Variants in TTC12 observed in about 807,000 individuals in gnomAD.
TTC12 encodes the protein tetratricopeptide repeat domain 12.
TTC12 carries 70 observed loss-of-function variants against 90.1 expected under a neutral mutation model. That is an observed-to-expected ratio of 0.78 (90% CI 0.64 to 0.95). The LOEUF (loss-of-function observed/expected upper bound fraction) is 0.95. TTC12 is among the 40% of genes least tolerant of loss of function. The pLI is 0.00. For synonymous variants in TTC12, 296 were observed against 311.5 expected, an observed-to-expected ratio of 0.95 and a Z score of 0.53; for missense variants, 819 against 846.1, an observed-to-expected ratio of 0.97 and a Z score of 0.40.
intron 16 of TTC12, among the ~76,000 whole-genome samples, chr11:113,354,316 C>A (rs1040233667): frequency 6.6e-6 from 1 of 152,246 alleles, no homozygotes; most frequent in East Asian, 1.9e-4. Flanking sequence ...GATTTTGTAT[C>A]CTGAGACATT....
chr11:113,334,945 C>T, intron 7 of TTC12, 21 bp from the exon 8 acceptor site: 1 of 1,600,678 alleles, frequency 6.2e-7, no homozygotes, highest in Non-Finnish European at 8.6e-7. Context: ...AACTTCTGAT[C>T]AGTCATTCTC....
intron 2 of TTC12, 35 bp downstream of exon 2, chr11:113,316,350 T>TTAC: frequency 8.7e-7 from 1 of 1,142,978 alleles, no homozygotes; most frequent in Non-Finnish European, 1.2e-6. Context: ...AATTTCTGCT[T>TTAC]TAGAGAAGTG....
intron 17 of TTC12, 43 bp from the exon 18 acceptor site, chr11:113,359,897 C>T: frequency 6.7e-7 from 1 of 1,502,438 alleles, no homozygotes; most frequent in South Asian, 1.2e-5. Context: ...TTCAGATTGT[C>T]AGAAAATTAA....
intron 4 of TTC12, 67 bp downstream of exon 4, chr11:113,324,082 T>A: frequency 7.8e-7 from 1 of 1,282,548 alleles, no homozygotes; most frequent in South Asian, 1.3e-5. Context: ...TGATTGTAGC[T>A]CCCAGACCCT....
chr11:113,363,914 A>G lies in TTC12; in HGVS notation c.1803A>G (p.Ile601Met). 2 of 1,611,530 alleles carry G rather than the reference A, an allele frequency of 1.2e-6. No individual in the cohort carries two copies. The highest frequency in any genetic ancestry group is 1.7e-6 in the Non-Finnish European group (2 of 1,177,586). Reference sequence around the variant, plus strand: ...ATCATGAAGCTCGGGAAGAAGTAATAAGACTGGATAAAAGTAAGTGATGAT... The same window carrying G: ...ATCATGAAGCTCGGGAAGAAGTAATGAGACTGGATAAAAGTAAGTGATGAT... ...NSYHEAREEV[I>M]RLDKKLSVMM... Residue 601 changes from isoleucine to methionine, a missense_variant, in exon 20 of 22, where the codon ATA becomes ATG. Transcript: ENST00000529221.
rs868950245 is a variant in TTC12, at chr11:113,315,547, C to T, written c.-15-696C>T. Among the ~76,000 whole-genome samples, 16 of 152,284 alleles carry T rather than the reference C, an allele frequency of 1.1e-4. No individual in the cohort carries two copies. The Middle Eastern group carries it at 0.014, about 129-fold the overall frequency. ...TTTACTGACTTGAAATCTCGGGCTA[C>T]GGCTGAGGAAGCTGTATATTTAACA... On this transcript the variant is annotated intron_variant, in intron 1 of 21. Coordinates refer to ENST00000529221, the MANE Select transcript of TTC12 (RefSeq NM_017868.4).
chr11:113,348,183 C>G (rs1189663562), intron 13 of TTC12, among the ~76,000 whole-genome samples: 1 of 152,182 alleles, frequency 6.6e-6, no homozygotes, highest in African/African-American at 2.4e-5. Flanking sequence ...GTATCATCGA[C>G]TTAATAAATC....
chr11:113,344,259 CTG>C lies in TTC12; in HGVS notation c.986-9_986-8del, dbSNP rs781833594. 21 of 1,605,818 alleles carry C rather than the reference CTG, an allele frequency of 1.3e-5. No homozygotes were observed. In the African/African-American group the frequency reaches 2.4e-4, roughly 18 times the overall value. The stretch of plus-strand genomic sequence containing the variant: ...ATGGCATGCACAAGACACACAACCT[CTG>C]TGTTTTGCAGAGGAAAACCAGCGTG... On this transcript the variant is annotated splice_polypyrimidine_tract_variant and intron_variant, in intron 12 of 21. Coordinates refer to ENST00000529221, the MANE Select transcript of TTC12 (RefSeq NM_017868.4).
intron 16 of TTC12, among the ~76,000 whole-genome samples, chr11:113,352,502 T>C (rs1949362084): frequency 6.6e-6 from 1 of 152,152 alleles, no homozygotes; most frequent in African/African-American, 2.4e-5. Context: ...TCTAGGTTTC[T>C]TATATAAGTA....
chr11:113,371,994 G>A (rs1380045312), intron 21 of TTC12, among the ~76,000 whole-genome samples: 4 of 152,230 alleles, frequency 2.6e-5, no homozygotes, highest in South Asian at 2.1e-4. Context: ...GGCCCCACCC[G>A]GCCATCCCTA....
chr11:113,324,783 T>G, intron 5 of TTC12, 101 bp downstream of exon 5: 1 of 1,034,490 alleles, frequency 9.7e-7, no homozygotes, highest in Non-Finnish European at 1.4e-6. Flanking sequence ...AGATTCCCAG[T>G]GGTGAGGTTT....
intron 4 of TTC12, 132 bp from the exon 5 acceptor site, chr11:113,324,473 T>C: frequency 3.2e-6 from 2 of 622,430 alleles, no homozygotes; most frequent in South Asian, 2.1e-5. Context: ...CTCAGAATGG[T>C]GTGTGTGCGT....
At chr11:113,331,606 A>G (rs1430018448) in intron 7 of TTC12, among the ~76,000 whole-genome samples, 4 of 152,198 alleles carry the variant, frequency 2.6e-5, no homozygotes, top group African/African-American at 9.7e-5. Flanking sequence ...ATTCCCTTCT[A>G]TGGAAGAAAC....
rs1946938470 is a variant in TTC12 at position 113,316,323 on chromosome 11, C to T, written c.58+8C>T. 1 of 1,348,448 alleles carries T rather than the reference C, an allele frequency of 7.4e-7. No homozygotes were observed. Among genetic ancestry groups the T allele is most frequent in the East Asian group, 2.5e-5 (1 of 39,994 alleles). 83.5% of individuals were successfully genotyped at this position (1,348,448 alleles called of 1,614,324 possible). A position where few individuals can be genotyped will look rare whatever the true frequency, so the allele number is the denominator to read the frequency against. On this transcript the variant is annotated splice_region_variant and intron_variant, in intron 2 of 21. Coordinates refer to ENST00000529221, the MANE Select transcript of TTC12 (RefSeq NM_017868.4). ...AAAATGTGGATGAAATCTGTAAGTACTAGTAAATCATAAATTAATTTCTGC... is the reference window on the plus strand; with the variant it reads ...AAAATGTGGATGAAATCTGTAAGTATTAGTAAATCATAAATTAATTTCTGC...
At chr11:113,318,570 C>T (rs553382725) in intron 2 of TTC12, among the ~76,000 whole-genome samples, 1 of 152,264 alleles carries the variant, frequency 6.6e-6, no homozygotes, top group East Asian at 1.9e-4. Flanking sequence ...TCTACAAATA[C>T]AGTCATACCA....
At chr11:113,366,049 T>G (rs1039873687) in intron 21 of TTC12, among the ~76,000 whole-genome samples, 176 bp from the exon 22 acceptor site, 1 of 152,096 alleles carries the variant, frequency 6.6e-6, no homozygotes. Flanking sequence ...CCTGAGGGTC[T>G]TACTTACCCC....
chr11:113,332,202 T>C (rs1236039943), intron 7 of TTC12, among the ~76,000 whole-genome samples: 1 of 152,210 alleles, frequency 6.6e-6, no homozygotes, highest in Admixed American at 6.5e-5. Context: ...ATGAAATACA[T>C]CTTCCTCTGA....
chr11:113,335,961 T>G (rs1284891180), intron 8 of TTC12, among the ~76,000 whole-genome samples: 1 of 152,208 alleles, frequency 6.6e-6, no homozygotes, highest in Admixed American at 6.5e-5. Flanking sequence ...CAGGGCCGTA[T>G]GGTAACTCTA....
chr11:113,323,597 A>ATTTT, intron 3 of TTC12, 146 bp downstream of exon 3: 1 of 515,432 alleles, frequency 1.9e-6, no homozygotes, highest in Admixed American at 4.0e-5. Context: ...ATAAAATTTG[A>ATTTT]TTTTTTTTTT....
Sources: allele counts gnomAD v4.1 joint callset (sites outside exome capture counted in the v4.1 genomes callset), GRCh38; gene constraint gnomAD v4.1.1; transcripts MANE v1.5; gene names NCBI Gene and HGNC (gene_info 2026-07-23, HGNC 2026-07-21).